Variants in STX8 observed in about 807,000 individuals in gnomAD.
STX8 encodes the protein syntaxin-8.
Under a neutral mutation model 37.5 loss-of-function variants are expected in STX8, and 23 were observed. The observed-to-expected ratio is 0.61, with a 90% CI of 0.44 to 0.87. The LOEUF (loss-of-function observed/expected upper bound fraction) is 0.87, where lower values mean the gene tolerates loss of function less well. STX8 is among the 40% of genes least tolerant of loss of function. The pLI is 0.00. For synonymous variants in STX8, 115 were observed against 99.1 expected (o/e 1.16, Z -0.95); for missense variants, 313 against 284.7 (o/e 1.10, Z -0.71).
chr17:9,500,916 A>G (rs1356763919), intron 5 of STX8, among the ~76,000 whole-genome samples: 4 of 152,198 alleles, frequency 2.6e-5, no homozygotes, highest in South Asian at 2.1e-4. Context: ...GAGGCAGAAG[A>G]ATGTCGTGAA....
chr17:9,434,123 C>A (rs1904341079), intron 6 of STX8, among the ~76,000 whole-genome samples: 1 of 152,152 alleles, frequency 6.6e-6, no homozygotes, highest in South Asian at 2.1e-4. Context: ...CCTGCCTCAG[C>A]CTCCTGAGTA....
chr17:9,506,450 A>AATGAATAAAC (rs1904841140), intron 4 of STX8, among the ~76,000 whole-genome samples: 1 of 115,354 alleles, frequency 8.7e-6, no homozygotes, highest in South Asian at 3.0e-4. Flanking sequence ...GGACTAAGGC[A>AATGAATAAAC]ATGAATAAAC....
At chr17:9,552,996 T>C (rs1375898400) in intron 3 of STX8, 3 of 152,176 alleles carry the variant, frequency 2.0e-5, no homozygotes, top group Non-Finnish European at 4.4e-5. Context: ...CAAAGTACTT[T>C]TTGACATCAA....
chr17:9,565,988 C>T (rs868335092), intron 2 of STX8, among the ~76,000 whole-genome samples: 2 of 152,146 alleles, frequency 1.3e-5, no homozygotes, highest in Non-Finnish European at 2.9e-5. Flanking sequence ...AGCTTCTGCA[C>T]AGAAAAGGAA....
chr17:9,442,479 T>G (rs1202294803), intron 6 of STX8, among the ~76,000 whole-genome samples: 1 of 152,170 alleles, frequency 6.6e-6, no homozygotes, highest in East Asian at 1.9e-4. Flanking sequence ...TGATCTCAGC[T>G]CACCGCAACC....
At chr17:9,453,109 A>G (rs1162143718) in intron 6 of STX8, among the ~76,000 whole-genome samples, 2 of 151,938 alleles carry the variant, frequency 1.3e-5, no homozygotes, top group Non-Finnish European at 2.9e-5. Flanking sequence ...CCTGGCCAGG[A>G]TGGGCCTTCT....
rs947853973 is a variant in STX8 at position 9,497,432 on chromosome 17, C to A, written c.449-5511G>T. Among the ~76,000 whole-genome samples, 4 of 152,070 alleles carry A rather than the reference C, an allele frequency of 2.6e-5. No homozygotes were observed. In the East Asian group the frequency reaches 7.7e-4, roughly 29 times the overall value. The stretch of plus-strand genomic sequence containing the variant: ...ATTTCAGATATATATTCTCAAATAT[C>A]CACTGATGAAATGATACGATGTCTG... On this transcript the variant is annotated intron_variant, in intron 5 of 7. Coordinates refer to ENST00000306357, the MANE Select transcript of STX8 (RefSeq NM_004853.3).
chr17:9,343,051 A>C (rs983232583), intron 7 of STX8, among the ~76,000 whole-genome samples: 1 of 149,694 alleles, frequency 6.7e-6, no homozygotes, highest in Non-Finnish European at 1.5e-5. Flanking sequence ...AAAGCTGCAA[A>C]TGTGAGGATG....
chr17:9,366,434 G>A (rs1310072919), intron 7 of STX8, among the ~76,000 whole-genome samples: 2 of 152,152 alleles, frequency 1.3e-5, no homozygotes, highest in Non-Finnish European at 2.9e-5. Flanking sequence ...GTTTCACAAT[G>A]TTGGCCAGGC....
At chr17:9,344,742 T>A (rs1377573170) in intron 7 of STX8, among the ~76,000 whole-genome samples, 36 of 152,158 alleles carry the variant, frequency 2.4e-4, no homozygotes, top group Admixed American at 2.4e-3. Context: ...AAAGCTCCAG[T>A]TTCCCTACTA....
intron 6 of STX8, among the ~76,000 whole-genome samples, chr17:9,472,709 C>G (rs138166737): frequency 1.3e-5 from 2 of 152,326 alleles, no homozygotes; most frequent in African/African-American, 4.8e-5. Context: ...CAAATAGGAA[C>G]AGCGGTGAAT....
At chr17:9,435,378 A>G (rs1014262070) in intron 6 of STX8, among the ~76,000 whole-genome samples, 1 of 152,222 alleles carries the variant, frequency 6.6e-6, no homozygotes, top group Non-Finnish European at 1.5e-5. Context: ...GAGGACCCCA[A>G]TAAGAGCATG....
intron 6 of STX8, among the ~76,000 whole-genome samples, chr17:9,487,571 G>A (rs890290481): frequency 2.0e-5 from 3 of 152,166 alleles, no homozygotes; most frequent in Non-Finnish European, 4.4e-5. Context: ...AGGAGCAAAT[G>A]TTCACATTAG....
chr17:9,418,126 G>T (rs1013870485), intron 6 of STX8, among the ~76,000 whole-genome samples: 3 of 152,200 alleles, frequency 2.0e-5, no homozygotes, highest in African/African-American at 7.2e-5. Context: ...TGAAGTAAGG[G>T]CAGCCTTGTG....
At chr17:9,314,781 G>T (rs1909323524) in intron 7 of STX8, among the ~76,000 whole-genome samples, 1 of 151,282 alleles carries the variant, frequency 6.6e-6, no homozygotes, top group African/African-American at 2.4e-5. Context: ...ATTCCCCTTG[G>T]CCAAGGGTAG....
At chr17:9,575,302 GCCC>G (rs1462207683) in intron 1 of STX8, among the ~76,000 whole-genome samples, 4 of 152,180 alleles carry the variant, frequency 2.6e-5, no homozygotes, top group Non-Finnish European at 5.9e-5. Flanking sequence ...ATCTGGAAGG[GCCC>G]CCAAGATCTA....
intron 6 of STX8, among the ~76,000 whole-genome samples, chr17:9,425,879 T>C (rs911049257): frequency 2.6e-5 from 4 of 152,160 alleles, no homozygotes; most frequent in African/African-American, 9.7e-5. Flanking sequence ...TCTAAAGGCT[T>C]GGACGTCTAC....
At chr17:9,492,892 G>C (rs1264569431) in intron 5 of STX8, among the ~76,000 whole-genome samples, 1 of 152,056 alleles carries the variant, frequency 6.6e-6, no homozygotes, top group Non-Finnish European at 1.5e-5. Context: ...TCAGGAGATC[G>C]AGACCATCCT....
chr17:9,371,239 G>C (rs1017294134), intron 7 of STX8, among the ~76,000 whole-genome samples: 1 of 152,108 alleles, frequency 6.6e-6, no homozygotes, highest in Admixed American at 6.6e-5. Flanking sequence ...GAAACAAAAG[G>C]CCATTTCATG....
Sources: gnomAD v4.1 joint callset for allele counts (sites outside exome capture counted in the v4.1 genomes callset) on GRCh38, gnomAD v4.1.1 for gene constraint, MANE v1.5 for transcripts, NCBI Gene and HGNC (gene_info 2026-07-23, HGNC 2026-07-21) for gene names.